Variants in OASL observed in about 807,000 individuals in gnomAD.
OASL encodes the protein 2'-5'-oligoadenylate synthase-like protein.
OASL carries 28 observed loss-of-function variants against 35.3 expected under a neutral mutation model. The observed-to-expected ratio is 0.79, with a 90% CI of 0.59 to 1.09. The LOEUF (loss-of-function observed/expected upper bound fraction) is 1.09. Ranked by LOEUF, OASL falls within the 50% of genes least tolerant of loss-of-function variation. The pLI is 0.00. For missense variants in OASL, 620 were observed against 635.2 expected, an observed-to-expected ratio of 0.98 and a Z score of 0.26; for synonymous variants, 252 against 254.6, an observed-to-expected ratio of 0.99 and a Z score of 0.10.
chr12:121,033,584 C>A, exon 2 of OASL: 1 of 1,614,212 alleles, frequency 6.2e-7, no homozygotes, highest in South Asian at 1.1e-5. Context: ...AGCCCGAGGT[C>A]CAGCAGGTCC....
rs1435086405 is a variant in OASL at position 121,038,759 on chromosome 12, G to A, written c.198+15C>T. On this transcript the variant is annotated intron_variant, in intron 1 of 5. Transcript: ENST00000257570. ...GGTTTTGTCTTGCGTGGGGGCTGGA[G>A]GAGCCCAGTCTTACCTTGACTACCT... is the stretch of plus-strand genomic sequence containing the variant. 1 of 1,613,326 alleles carries A rather than the reference G, an allele frequency of 6.2e-7. No homozygotes were observed. Among genetic ancestry groups the A allele is most frequent in the African/African-American group, 1.3e-5 (1 of 74,892 alleles).
chr12:121,020,633 G>T (rs1386123806), exon 6 of OASL: 2 of 1,614,168 alleles, frequency 1.2e-6, no homozygotes, highest in South Asian at 2.2e-5. Context: ...GGATGCCATA[G>T]ATCCCCAGAC....
At chr12:121,035,560 T>C (rs1316250671) in intron 1 of OASL, among the ~76,000 whole-genome samples, 1 of 137,996 alleles carries the variant, frequency 7.2e-6, no homozygotes, top group African/African-American at 2.6e-5. Flanking sequence ...CGCCTTCACT[T>C]CCTGTATTGA....
intron 4 of OASL, among the ~76,000 whole-genome samples, 160 bp downstream of exon 4, chr12:121,027,416 A>G (rs1869533367): frequency 6.6e-6 from 1 of 152,236 alleles, no homozygotes; most frequent in Non-Finnish European, 1.5e-5. Flanking sequence ...ATAAGCCACC[A>G]ACTTGAGATG....
At chr12:121,039,041 C>T in exon 1 of OASL, 31 of 1,346,174 alleles carry the variant, frequency 2.3e-5, no homozygotes, top group Non-Finnish European at 3.1e-5. Flanking sequence ...TGGCACACAC[C>T]TCCTTTTTTA....
In OASL at chr12:121,031,495, G is replaced by T. The variant is rs569988696; in HGVS notation, c.604C>A (p.Arg202=). The change falls in exon 3 of 6, where the codon CGG becomes AGG. Residue 202 remains arginine (R), a synonymous_variant. Transcript: ENST00000257570. ...AGGAGGCTCTTCAGCTTAGTTGGCC[G>T]ATGTTTCACGAAATTTCTCTGCAGC... 5 of 1,613,982 alleles carry T rather than the reference G, an allele frequency of 3.1e-6. No individual in the cohort carries two copies. The African/African-American group carries it at 5.3e-5, about 17-fold the overall frequency.
downstream of OASL, among the ~76,000 whole-genome samples, chr12:121,018,767 G>A (rs918798160): frequency 1.3e-5 from 2 of 151,642 alleles, no homozygotes; most frequent in African/African-American, 2.4e-5. Flanking sequence ...CTACTCGGGA[G>A]GCTGAGGCAG....
chr12:121,039,139 G>T lies in OASL; in HGVS notation c.-168C>A. 1.6e-6 allele frequency: 1 copy of T among 617,310 alleles called. No individual in the cohort carries two copies. Among genetic ancestry groups the T allele is most frequent in the South Asian group, 1.9e-5 (1 of 52,614 alleles). The allele number at this position is 617,310 out of a possible 1,614,324, so 38.2% of individuals were successfully genotyped here. ...AACCAGGTGTGACGGGCTGACTCCA[G>T]GTCCCCCTTCTTGGAGACACCCTTG... On this transcript the variant is annotated 5_prime_UTR_variant, in exon 1 of 6. The change creates a new upstream start codon in the 5' untranslated region. Coordinates refer to ENST00000257570, the Ensembl canonical transcript of OASL.
In OASL at chr12:121,031,328, T is replaced by C. The variant is rs565115664; in HGVS notation, c.657+114A>G. On this transcript the variant is annotated intron_variant, in intron 3 of 5. Coordinates refer to ENST00000257570, the Ensembl canonical transcript of OASL. ...TCAAAAGACTAGCATTCTCTCCCTCTCTACCTGCTTCCATTTCCCCTGGCT... is the reference window on the plus strand; with the variant it reads ...TCAAAAGACTAGCATTCTCTCCCTCCCTACCTGCTTCCATTTCCCCTGGCT... The C allele has an allele frequency of 4.0e-6, 4 of 1,002,918 alleles. No individual in the cohort carries two copies. In the South Asian group the frequency reaches 6.0e-5, roughly 15 times the overall value. The allele number at this position is 1,002,918 out of a possible 1,614,324, so 62.1% of individuals were successfully genotyped here.
chr12:121,028,939 C>A (rs1869613770), intron 3 of OASL, among the ~76,000 whole-genome samples: 1 of 151,718 alleles, frequency 6.6e-6, no homozygotes, highest in Non-Finnish European at 1.5e-5. Flanking sequence ...GTGGCAGGTG[C>A]CTGTAATCCC....
exon 2 of OASL, chr12:121,033,533 C>A: frequency 1.2e-6 from 2 of 1,614,112 alleles, no homozygotes; most frequent in South Asian, 2.2e-5. Context: ...ATGGTGAAGA[C>A]GAGAGCATCG....
chr12:121,035,921 G>A (rs767430366), intron 1 of OASL, among the ~76,000 whole-genome samples: 1 of 152,156 alleles, frequency 6.6e-6, no homozygotes, highest in African/African-American at 2.4e-5. Context: ...GCAATGGCAC[G>A]ATCTTCACTC....
intron 2 of OASL, 124 bp from the exon 3 acceptor site, chr12:121,031,741 T>C (rs1869744454): frequency 1.4e-6 from 1 of 722,442 alleles, no homozygotes; most frequent in Non-Finnish European, 2.2e-6. Flanking sequence ...TGAGACCTCA[T>C]ATCTTCAGAA....
At chr12:121,030,981 A>T (rs1592937274) in intron 3 of OASL, among the ~76,000 whole-genome samples, 1 of 151,812 alleles carries the variant, frequency 6.6e-6, no homozygotes, top group African/African-American at 2.4e-5. Flanking sequence ...AAAGAAAAAT[A>T]AAAAAAATTA....
chr12:121,023,947 T>C (rs1181942129), intron 5 of OASL, 43 bp downstream of exon 5: 1 of 1,609,734 alleles, frequency 6.2e-7, no homozygotes, highest in East Asian at 2.2e-5. Context: ...TTATCTGTCG[T>C]TCTGACCTTC....
chr12:121,033,617 A>T, exon 2 of OASL: 1 of 1,614,162 alleles, frequency 6.2e-7, no homozygotes, highest in Non-Finnish European at 8.5e-7. Flanking sequence ...ATGGTTTTCC[A>T]TATCAGCCTC....
exon 6 of OASL, chr12:121,020,639 C>T (rs1434383981): frequency 6.2e-7 from 1 of 1,614,188 alleles, no homozygotes; most frequent in African/African-American, 1.3e-5. Context: ...CATAGATCCC[C>T]AGACCCAACC....
chr12:121,033,603 C>A (rs1869834043), exon 2 of OASL: 3 of 1,614,160 alleles, frequency 1.9e-6, no homozygotes, highest in South Asian at 2.2e-5. Flanking sequence ...CCTGGCTTTG[C>A]CACATGGTTT....
At position 121,023,945 on chromosome 12, in the gene OASL, C is replaced by T. The variant is rs746849533; in HGVS notation, c.1047+45G>A. 9.3e-6 allele frequency: 15 copies of T among 1,607,424 alleles called. No individual in the cohort carries two copies. The South Asian group carries it at 1.1e-4, about 12-fold the overall frequency. ...AGTAAATACTGAGTAGTTTATCTGT[C>T]GTTCTGACCTTCAAGCCCTTGACAG... On this transcript the variant is annotated intron_variant, in intron 5 of 5. Transcript: ENST00000257570.
Sources: allele counts gnomAD v4.1 joint callset (sites outside exome capture counted in the v4.1 genomes callset), GRCh38; gene constraint gnomAD v4.1.1; transcripts MANE v1.5; gene names NCBI Gene and HGNC (gene_info 2026-07-23, HGNC 2026-07-21).